Variants in DYNLT2 observed in about 807,000 individuals in gnomAD.
The protein encoded by DYNLT2 is dynein light chain Tctex-type 2.
Under a neutral mutation model 24.3 loss-of-function variants are expected in DYNLT2, and 24 were observed. The ratio of observed to expected loss-of-function variants is 0.99; its 90% CI spans 0.71 to 1.39. DYNLT2 has a LOEUF of 1.39. DYNLT2 is among the 40% of genes most tolerant of loss of function. The pLI, the probability that DYNLT2 is intolerant of heterozygous loss-of-function variation, is 0.00. For synonymous variants in DYNLT2, 85 were observed against 85.4 expected, an observed-to-expected ratio of 1.00 and a Z score of 0.03; for missense variants, 246 against 234.5, an observed-to-expected ratio of 1.05 and a Z score of -0.32.
Position 169,740,128 on chromosome 6 carries a change from A to C in DYNLT2, c.*57T>G. On this transcript the variant is annotated 3_prime_UTR_variant, in exon 4 of 4. Transcript: ENST00000366774. ...ATATTATGAGGTTTACAAATATGTA[A>C]ATTTCATTTATTTTTGAAAAGTTCG... 1 of 1,134,132 alleles carries C rather than the reference A, an allele frequency of 8.8e-7. No individual in the cohort carries two copies. The highest frequency in any genetic ancestry group is 1.3e-5 in the South Asian group (1 of 76,014). The allele number at this position is 1,134,132 out of a possible 1,614,324, so 70.3% of individuals were successfully genotyped here.
chr6:169,748,506 C>A (rs1789862156), intron 1 of DYNLT2, among the ~76,000 whole-genome samples: 1 of 152,198 alleles, frequency 6.6e-6, no homozygotes, highest in African/African-American at 2.4e-5. Context: ...AAGAATTACT[C>A]CATATTGGCT....
At chr6:169,730,038 G>A in the DYNLT2 span, among the ~76,000 whole-genome samples, 2 of 152,218 alleles carry the variant, frequency 1.3e-5, no homozygotes, top group Non-Finnish European at 2.9e-5. Context: ...TCTTCTTTAT[G>A]CAATTCCTCA....
chr6:169,731,199 T>C, the DYNLT2 span, among the ~76,000 whole-genome samples: 3 of 152,148 alleles, frequency 2.0e-5, no homozygotes, highest in Non-Finnish European at 4.4e-5. Context: ...GACGTTGGAT[T>C]GACAGTGAGA....
Position 169,740,284 on chromosome 6 carries a change from T to C in DYNLT2, c.498A>G (p.Arg166=), listed in dbSNP as rs1789649402. Residue 166 remains arginine, a synonymous_variant, in exon 4 of 4, where the codon AGA becomes AGG. Coordinates refer to ENST00000366774, the MANE Select transcript of DYNLT2 (RefSeq NM_174910.3). The stretch of plus-strand genomic sequence containing the variant: ...TGTCCCATGCAATGTCCCAGATCCA[T>C]CTGCTGGCAATCTGTGAGAGAAATT... The part of the protein sequence containing the change: ...KTGQAINIAS[R]WIWDIAWDSW... 6.2e-7 allele frequency: 1 copy of C among 1,612,420 alleles called. No homozygotes were observed. The highest frequency in any genetic ancestry group is 8.5e-7 in the Non-Finnish European group (1 of 1,178,706).
chr6:169,749,943 C>T (rs1789919609), intron 1 of DYNLT2: 1 of 152,186 alleles, frequency 6.6e-6, no homozygotes, highest in Non-Finnish European at 1.5e-5. Flanking sequence ...TCCTCAGGTA[C>T]ATTTAGTGAG....
intron 1 of DYNLT2, among the ~76,000 whole-genome samples, chr6:169,744,550 T>C (rs969722789): frequency 6.6e-6 from 1 of 152,184 alleles, no homozygotes; most frequent in African/African-American, 2.4e-5. Context: ...AGAATATCCA[T>C]GGATGATCCA....
chr6:169,740,423 T>C (rs1364351859), intron 3 of DYNLT2, 128 bp from the exon 4 acceptor site: 2 of 633,164 alleles, frequency 3.2e-6, no homozygotes, highest in Non-Finnish European at 5.6e-6. Flanking sequence ...ATGTAATTTG[T>C]CTGGTTTTCC....
chr6:169,743,107 A>G lies in DYNLT2; in HGVS notation c.459T>C (p.Phe153=). Residue 153 remains phenylalanine, a synonymous_variant, in exon 3 of 4, where the codon TTT becomes TTC. Coordinates refer to ENST00000366774, the MANE Select transcript of DYNLT2 (RefSeq NM_174910.3). ...TTATTGCTTGGCCAGTCTTTTGAAT[A>G]AATAATACTTTTATAATGAACTTAT... ...HRYKFIIKVL[F]IQKTGQAINI... is the part of the protein sequence containing the mutation. 6.4e-7 allele frequency: 1 copy of G among 1,574,248 alleles called. No homozygotes were observed. Among genetic ancestry groups the G allele is most frequent in the Non-Finnish European group, 8.7e-7 (1 of 1,154,726 alleles).
In DYNLT2 at chr6:169,744,200, G is replaced by A; in HGVS notation, c.195C>T (p.Asp65=). Residue 65 remains aspartate, a synonymous_variant, in exon 2 of 4, where the codon GAC becomes GAT. Coordinates refer to ENST00000366774, the MANE Select transcript of DYNLT2 (RefSeq NM_174910.3). ...NVQYVEPPFD[D]SIADIGKEWK... is the part of the protein sequence containing the mutation. ...ATTCTTTACCTATATCAGCAATTGAGTCATCAAAAGGAGGCTCCACATACT... is the reference window on the plus strand; with the variant it reads ...ATTCTTTACCTATATCAGCAATTGAATCATCAAAAGGAGGCTCCACATACT... 1 of 1,613,672 alleles carries A rather than the reference G, an allele frequency of 6.2e-7. No homozygotes were observed. The highest frequency in any genetic ancestry group is 8.5e-7 in the Non-Finnish European group (1 of 1,179,968).
intron 1 of DYNLT2, among the ~76,000 whole-genome samples, chr6:169,745,837 G>T (rs1789785086): frequency 1.3e-5 from 2 of 152,280 alleles, no homozygotes; most frequent in South Asian, 4.2e-4. Flanking sequence ...GAAAGAGATT[G>T]TAATAATTGA....
At chr6:169,727,284 G>A in the DYNLT2 span, among the ~76,000 whole-genome samples, 3 of 152,310 alleles carry the variant, frequency 2.0e-5, no homozygotes, top group African/African-American at 2.4e-5. Flanking sequence ...AAGTAATGGA[G>A]AAAGAGAGTA....
downstream of DYNLT2, among the ~76,000 whole-genome samples, chr6:169,738,220 C>A (rs1789601199): frequency 2.6e-5 from 4 of 152,218 alleles, no homozygotes; most frequent in South Asian, 8.3e-4. Context: ...ACCCAGGGGG[C>A]TTAGCATGTT....
At chr6:169,744,722 T>C (rs1284483272) in intron 1 of DYNLT2, among the ~76,000 whole-genome samples, 2 of 152,196 alleles carry the variant, frequency 1.3e-5, no homozygotes, top group African/African-American at 4.8e-5. Context: ...TTTTAAATAA[T>C]ACAATTATTT....
intron 1 of DYNLT2, among the ~76,000 whole-genome samples, chr6:169,746,619 T>C (rs553020877): frequency 6.6e-6 from 1 of 152,246 alleles, no homozygotes; most frequent in African/African-American, 2.4e-5. Flanking sequence ...ATTGTGATAA[T>C]TCCAACATCC....
chr6:169,733,634 C>T, the DYNLT2 span, among the ~76,000 whole-genome samples: 1 of 152,118 alleles, frequency 6.6e-6, no homozygotes, highest in African/African-American at 2.4e-5. Context: ...TGTTCTGCTC[C>T]ATTGGTCTAT....
intron 2 of DYNLT2, 42 bp from the exon 3 acceptor site, chr6:169,743,280 A>G (rs753907605): frequency 1.6e-6 from 2 of 1,226,408 alleles, no homozygotes; most frequent in Non-Finnish European, 2.2e-6. Flanking sequence ...TTTCAAACCA[A>G]ATATTTTCTA....
downstream of DYNLT2, among the ~76,000 whole-genome samples, chr6:169,738,259 C>T (rs1185289179): frequency 4.6e-5 from 7 of 152,254 alleles, no homozygotes; most frequent in Admixed American, 4.6e-4. Context: ...GTGCTGGCTG[C>T]TGCCCCTCCC....
In DYNLT2 at chr6:169,751,526, C is replaced by G. The variant is rs1790074203; in HGVS notation, c.-68G>C. ...CCGGCGGTCAAACGCCCTAGCCAGT[C>G]CCGCGAGGGCGGAAGTCTCCCACCT... On this transcript the variant is annotated 5_prime_UTR_variant, in exon 1 of 4. Coordinates refer to ENST00000366774, the MANE Select transcript of DYNLT2 (RefSeq NM_174910.3). 17 of 1,610,538 alleles carry G rather than the reference C, an allele frequency of 1.1e-5. No homozygotes were observed. In the South Asian group the frequency reaches 1.7e-4, roughly 16 times the overall value.
intron 1 of DYNLT2, chr6:169,751,114 T>C (rs185240997): frequency 2.1e-5 from 12 of 581,704 alleles, no homozygotes; most frequent in South Asian, 6.9e-5. Context: ...TAGGGTTCTA[T>C]GGCCCTAATT....
Sources: gnomAD v4.1 joint callset for allele counts (sites outside exome capture counted in the v4.1 genomes callset) on GRCh38, gnomAD v4.1.1 for gene constraint, MANE v1.5 for transcripts, NCBI Gene and HGNC (gene_info 2026-07-23, HGNC 2026-07-21) for gene names.